ADAMTS14: variants seen among roughly 807,000 people sequenced by gnomAD.
ADAMTS14 encodes A disintegrin and metalloproteinase with thrombospondin motifs 14.
In ADAMTS14, 100 loss-of-function variants were observed where a neutral mutation model predicts 128.6. That is an observed-to-expected ratio of 0.78 (90% CI 0.66 to 0.92). The LOEUF (loss-of-function observed/expected upper bound fraction) is 0.92, where lower values mean the gene tolerates loss of function less well. Ranked by LOEUF, ADAMTS14 falls within the 40% of genes least tolerant of loss-of-function variation. The pLI is 0.00. For synonymous variants in ADAMTS14, 665 were observed against 653.8 expected, an observed-to-expected ratio of 1.02 and a Z score of -0.26; for missense variants, 1,562 against 1,658.6, an observed-to-expected ratio of 0.94 and a Z score of 1.01.
Position 70,760,575 on chromosome 10 carries a change from G to A in ADAMTS14, c.3394G>A (p.Glu1132Lys), listed in dbSNP as rs79097912. 3 of 1,613,730 alleles carry A rather than the reference G, an allele frequency of 1.9e-6. No homozygotes were observed. The highest frequency in any genetic ancestry group is 2.5e-6 in the Non-Finnish European group (3 of 1,179,840). Residue 1132 changes from glutamate to lysine, a missense_variant, in exon 22 of 22, where the codon GAG (glutamate) becomes AAG (lysine). Physicochemically the swap from Glu to Lys is moderately conservative, Grantham distance 56. Coordinates refer to ENST00000373207, the MANE Select transcript of ADAMTS14 (RefSeq NM_080722.4). Reference sequence around the variant, plus strand: ...ACCCCAGGACCCTGCAGATGCTGCAGAGCCTCCTGGAAAGCCAACGGGATC... The same window carrying A: ...ACCCCAGGACCCTGCAGATGCTGCAAAGCCTCCTGGAAAGCCAACGGGATC... ...PGPQDPADAA[E>K]PPGKPTGSED...
At chr10:70,682,941 C>T (rs1426396732) in intron 2 of ADAMTS14, among the ~76,000 whole-genome samples, 1 of 152,212 alleles carries the variant, frequency 6.6e-6, no homozygotes, top group Non-Finnish European at 1.5e-5. Context: ...CTGGGCCTGC[C>T]GGACAACCGT....
intron 4 of ADAMTS14, among the ~76,000 whole-genome samples, chr10:70,720,931 A>G: frequency 6.6e-6 from 1 of 152,186 alleles, no homozygotes. Flanking sequence ...TATGTCCTTA[A>G]GAACGAAAAA....
chr10:70,739,003 G>A lies in ADAMTS14; in HGVS notation c.1748+13G>A, dbSNP rs778968867. The A allele has an allele frequency of 5.6e-6, 9 of 1,595,106 alleles. No individual in the cohort carries two copies. The highest frequency in any genetic ancestry group is 1.8e-4 in the Middle Eastern group (1 of 5,494). ...GCAACAACCCCTCGTGAGTGTGCTT[G>A]GCTAGGGTGGGGAGGGCAGGGAGTC... is the stretch of plus-strand genomic sequence containing the variant. On this transcript the variant is annotated intron_variant, in intron 11 of 21. Coordinates refer to ENST00000373207, the MANE Select transcript of ADAMTS14 (RefSeq NM_080722.4).
chr10:70,711,179 G>A (rs1477105554), intron 4 of ADAMTS14, among the ~76,000 whole-genome samples: 2 of 152,328 alleles, frequency 1.3e-5, no homozygotes, highest in South Asian at 2.1e-4. Context: ...TTTCAGGTTC[G>A]CTTCTCTGTC....
At chr10:70,760,324 G>C (rs778365220) in intron 21 of ADAMTS14, 36 bp from the exon 22 acceptor site, 2 of 1,506,850 alleles carry the variant, frequency 1.3e-6, no homozygotes, top group African/African-American at 2.8e-5. Context: ...GCATCCCCAC[G>C]TTGCTTCCAT....
chr10:70,740,866 G>A (rs537852643), intron 11 of ADAMTS14, 121 bp from the exon 12 acceptor site: 2 of 1,030,888 alleles, frequency 1.9e-6, no homozygotes, highest in East Asian at 2.6e-5. Context: ...GTTTATGTCA[G>A]TGGAGGCCCT....
In ADAMTS14 at chr10:70,674,641, G is replaced by A; in HGVS notation, c.168G>A (p.Val56=). Residue 56 remains valine (V), a synonymous_variant, in exon 2 of 22, where the codon GTG becomes GTA. Transcript: ENST00000373207. ...TDFRGRFLSH[V]VSGPAAASAG... is the part of the protein sequence containing the mutation. Reference sequence around the variant, plus strand: ...TTCGGGGACGCTTCCTCTCCCACGTGGTGTCTGGCCCAGCAGCAGCCTCTG... The same window carrying A: ...TTCGGGGACGCTTCCTCTCCCACGTAGTGTCTGGCCCAGCAGCAGCCTCTG... 6.2e-7 allele frequency: 1 copy of A among 1,613,722 alleles called. No individual in the cohort carries two copies. Among genetic ancestry groups the A allele is most frequent in the Non-Finnish European group, 8.5e-7 (1 of 1,180,046 alleles).
chr10:70,726,870 C>T (rs1048987178), intron 4 of ADAMTS14, among the ~76,000 whole-genome samples: 3 of 152,216 alleles, frequency 2.0e-5, no homozygotes, highest in Admixed American at 6.5e-5. Context: ...CACTTTACTC[C>T]CACTGGGGAG....
chr10:70,733,022 A>T (rs951942888), intron 7 of ADAMTS14, among the ~76,000 whole-genome samples: 4 of 152,184 alleles, frequency 2.6e-5, no homozygotes, highest in African/African-American at 9.7e-5. Context: ...CAAATGAGCT[A>T]CTGTTCAGTA....
chr10:70,714,300 C>G (rs1170989549), intron 4 of ADAMTS14, among the ~76,000 whole-genome samples: 1 of 152,196 alleles, frequency 6.6e-6, no homozygotes, highest in African/African-American at 2.4e-5. Context: ...TTAAGTCTCC[C>G]CATAACCCTG....
At chr10:70,742,676 G>A (rs1266515169) in intron 12 of ADAMTS14, among the ~76,000 whole-genome samples, 2 of 152,222 alleles carry the variant, frequency 1.3e-5, no homozygotes, top group East Asian at 1.9e-4. Context: ...TGGGAGGCCC[G>A]TGGGGCAGCT....
intron 8 of ADAMTS14, among the ~76,000 whole-genome samples, 161 bp from the exon 9 acceptor site, chr10:70,735,008 G>A (rs1406018670): frequency 6.6e-6 from 1 of 152,238 alleles, no homozygotes; most frequent in African/African-American, 2.4e-5. Context: ...GTGAGGGGCT[G>A]CTCAAGGCAG....
chr10:70,757,455 C>T (rs1294389124), intron 19 of ADAMTS14, among the ~76,000 whole-genome samples: 1 of 152,148 alleles, frequency 6.6e-6, no homozygotes, highest in East Asian at 1.9e-4. Flanking sequence ...GACACTGAAC[C>T]AGGGGTGGGG....
intron 2 of ADAMTS14, among the ~76,000 whole-genome samples, chr10:70,678,315 G>A (rs1564516050): frequency 6.6e-6 from 1 of 152,204 alleles, no homozygotes; most frequent in Non-Finnish European, 1.5e-5. Flanking sequence ...AGGAACTTGG[G>A]TGCCATGCAG....
At chr10:70,751,157 C>T (rs1842337115) in intron 16 of ADAMTS14, among the ~76,000 whole-genome samples, 2 of 152,200 alleles carry the variant, frequency 1.3e-5, no homozygotes, top group Admixed American at 1.3e-4. Flanking sequence ...AGTGTGGATG[C>T]TGCAGTGAGC....
chr10:70,674,737 C>T lies in ADAMTS14; in HGVS notation c.264C>T (p.Ser88=). ...CCAGTCACCTCCGGGTGGCTCGCAG[C>T]CCTCTGCACCCAGGAGGGACCCTGT... The part of the protein sequence containing the change: ...RHSSHLRVAR[S]PLHPGGTLWP... Residue 88 remains serine (S), a synonymous_variant, in exon 2 of 22, where the codon AGC becomes AGT. Coordinates refer to ENST00000373207, the MANE Select transcript of ADAMTS14 (RefSeq NM_080722.4). 6.2e-7 allele frequency: 1 copy of T among 1,613,494 alleles called. No individual in the cohort carries two copies. Among genetic ancestry groups the T allele is most frequent in the Non-Finnish European group, 8.5e-7 (1 of 1,179,964 alleles).
intron 4 of ADAMTS14, among the ~76,000 whole-genome samples, chr10:70,709,838 T>G (rs536688777): frequency 4.6e-5 from 7 of 152,294 alleles, no homozygotes; most frequent in African/African-American, 1.4e-4. Flanking sequence ...AGAAACCCAC[T>G]GTGGATGCCA....
chr10:70,730,575 CCTT>C (rs1841605262), intron 6 of ADAMTS14, among the ~76,000 whole-genome samples: 1 of 152,158 alleles, frequency 6.6e-6, no homozygotes, highest in Admixed American at 6.5e-5. Context: ...CACACTGTGT[CCTT>C]CTGTCCTCAT....
At chr10:70,691,827 C>T (rs72814536) in intron 2 of ADAMTS14, among the ~76,000 whole-genome samples, 25,339 of 152,132 alleles carry the variant, frequency 0.17, 2,685 homozygotes, top group Middle Eastern at 0.25. Context: ...CTCCCTCTGT[C>T]CCCTCTCAGG....
Sources: gnomAD v4.1 joint callset for allele counts (sites outside exome capture counted in the v4.1 genomes callset) on GRCh38, gnomAD v4.1.1 for gene constraint, MANE v1.5 for transcripts, NCBI Gene and HGNC (gene_info 2026-07-23, HGNC 2026-07-21) for gene names.